DNAH14: variants seen among roughly 807,000 people sequenced by gnomAD.
DNAH14 encodes dynein axonemal heavy chain 14.
In DNAH14, 478 loss-of-function variants were observed where a neutral mutation model predicts 520.9. The observed-to-expected ratio is 0.92, with a 90% CI of 0.85 to 0.99. The LOEUF (loss-of-function observed/expected upper bound fraction) is 0.99, where lower values mean the gene tolerates loss of function less well. DNAH14 is among the 50% of genes least tolerant of loss of function. The probability of loss-of-function intolerance (pLI) is 0.00; values close to 1 mark genes in which losing one functional copy is unlikely to be tolerated. For missense variants in DNAH14, 4,831 were observed against 5,234.5 expected (o/e 0.92, Z 2.38); for synonymous variants, 1,581 against 1,757.2 (o/e 0.90, Z 2.51).
In DNAH14 at chr1:225,144,420, A is replaced by G. The variant is rs1380882737; in HGVS notation, c.4532A>G (p.Glu1511Gly). The G allele has an allele frequency of 1.3e-6, 2 of 1,551,290 alleles. No individual in the cohort carries two copies. Among genetic ancestry groups the G allele is most frequent in the South Asian group, 2.4e-5 (2 of 83,978 alleles). Residue 1511 changes from glutamate (E) to glycine (G), a missense_variant, in exon 29 of 86, where the codon GAA (glutamate) becomes GGA (glycine). By Grantham distance (98) the Glu-to-Gly change is moderately conservative (BLOSUM62 -2). Coordinates refer to ENST00000682510, the MANE Select transcript of DNAH14 (RefSeq NM_001367479.1). ...WTRHLQYKWN[E>G]KQKLCYVSQG... is the part of the protein sequence containing the mutation. Reference sequence around the variant, plus strand: ...AGACATTTGCAATATAAATGGAATGAAAAACAAAAGTTGTGCTATGTGTCT... The same window carrying G: ...AGACATTTGCAATATAAATGGAATGGAAAACAAAAGTTGTGCTATGTGTCT...
In DNAH14 at chr1:225,270,801, C is replaced by T; in HGVS notation, c.7606C>T (p.Leu2536Phe). Reference protein sequence around the residue: ...PVVNDISPRLLKHFSMLVLPH... With the variant: ...PVVNDISPRLFKHFSMLVLPH... ...TGTGAATGATATCAGCCCACGTCTT[C>T]TCAAACACTTTTCCATGCTGGTATT... Residue 2536 changes from leucine to phenylalanine, a missense_variant, in exon 50 of 86, where the codon CTC (leucine) becomes TTC (phenylalanine). By Grantham distance (22) the Leu-to-Phe change is conservative. Coordinates refer to ENST00000682510, the MANE Select transcript of DNAH14 (RefSeq NM_001367479.1). The T allele has an allele frequency of 6.4e-7, 1 of 1,551,260 alleles. No individual in the cohort carries two copies. Among genetic ancestry groups the T allele is most frequent in the Non-Finnish European group, 8.7e-7 (1 of 1,146,776 alleles).
rs568440613 is a variant in DNAH14 at position 225,105,756 on chromosome 1, C to T, written c.3867+4872C>T. ...TTTGCTTGGTAGATCTTCCTCCATCCCTTTATTTTGAGCCTATGTGTGTCT... is the reference window on the plus strand; with the variant it reads ...TTTGCTTGGTAGATCTTCCTCCATCTCTTTATTTTGAGCCTATGTGTGTCT... On this transcript the variant is annotated intron_variant, in intron 23 of 85. Coordinates refer to ENST00000682510, the MANE Select transcript of DNAH14 (RefSeq NM_001367479.1). Among the ~76,000 whole-genome samples the T allele has an allele frequency of 6.9e-4, 105 of 152,064 alleles. 1 individual carries two copies. The highest frequency in any genetic ancestry group is 2.4e-3 in the African/African-American group (98 of 41,432).
intron 1 of DNAH14, among the ~76,000 whole-genome samples, chr1:224,941,988 C>T (rs79997288): frequency 0.055 from 8,404 of 152,248 alleles, 472 homozygotes; most frequent in East Asian, 0.24. Context: ...CTTAACAATG[C>T]GGGCTCTTTT....
intron 35 of DNAH14, among the ~76,000 whole-genome samples, chr1:225,162,897 G>A (rs952938987): frequency 6.6e-6 from 1 of 152,034 alleles, no homozygotes; most frequent in Non-Finnish European, 1.5e-5. Context: ...AGCACTTTGG[G>A]AGGCCAAGCC....
At chr1:224,970,556 T>C (rs1200990425) in intron 7 of DNAH14, among the ~76,000 whole-genome samples, 1 of 152,226 alleles carries the variant, frequency 6.6e-6, no homozygotes, top group Non-Finnish European at 1.5e-5. Flanking sequence ...TGATGGAACC[T>C]GCCGACATGT....
rs1432234707 is a variant in DNAH14 at position 225,232,230 on chromosome 1, C to A, written c.6518+1079C>A. 1.3e-5 allele frequency among the ~76,000 whole-genome samples: 2 copies of A among 151,790 alleles called. No individual in the cohort carries two copies. The highest frequency in any genetic ancestry group is 2.9e-5 in the Non-Finnish European group (2 of 67,960). On this transcript the variant is annotated intron_variant, in intron 42 of 85. Transcript: ENST00000682510. This position sits in a 1 kb window ranked among gnomAD's most constrained non-coding sequence, Gnocchi z 4.2. ...TAGCTATTCTTATTTCTTTTCACTG[C>A]TACCTACTAGTCCATTGTCATTATA... is the stretch of plus-strand genomic sequence containing the variant.
chr1:225,386,654 G>A (rs915947540), intron 81 of DNAH14, among the ~76,000 whole-genome samples: 1 of 152,256 alleles, frequency 6.6e-6, no homozygotes, highest in Non-Finnish European at 1.5e-5. Flanking sequence ...CTGGCCATCA[G>A]AGAAATGCAA....
chr1:225,345,107 T>C (rs2095266791), intron 69 of DNAH14, among the ~76,000 whole-genome samples: 1 of 152,160 alleles, frequency 6.6e-6, no homozygotes. Flanking sequence ...CTGTGAGAGA[T>C]GGTCCATGAC....
At chr1:224,988,350 C>T (rs567830230) in intron 8 of DNAH14, among the ~76,000 whole-genome samples, 3 of 152,088 alleles carry the variant, frequency 2.0e-5, no homozygotes, top group East Asian at 3.9e-4. Context: ...TGAATAGTGC[C>T]GCAGTGAACA....
intron 37 of DNAH14, among the ~76,000 whole-genome samples, chr1:225,189,103 A>G (rs2085093407): frequency 6.6e-6 from 1 of 151,852 alleles, no homozygotes; most frequent in Non-Finnish European, 1.5e-5. Flanking sequence ...GCCTTTTGAT[A>G]TGATCGTGTG....
intron 10 of DNAH14, among the ~76,000 whole-genome samples, chr1:225,011,185 G>A (rs186092367): frequency 2.4e-3 from 369 of 152,158 alleles, no homozygotes; most frequent in Non-Finnish European, 4.0e-3. Flanking sequence ...TTTTAATTGT[G>A]ATGTTAGGGT....
rs116590181 is a variant in DNAH14, at chr1:225,365,985, T to C, written c.12090+1091T>C. Among the ~76,000 whole-genome samples the C allele has an allele frequency of 4.8e-3, 736 of 152,288 alleles. 3 individuals carry two copies. The highest frequency in any genetic ancestry group is 0.017 in the African/African-American group (715 of 41,550). On this transcript the variant is annotated intron_variant, in intron 76 of 85. Transcript: ENST00000682510. ...TTATTTATACAGACAGAGATGATAATTTTCTTGATATATTAAAAGAGCACC... is the reference window on the plus strand; with the variant it reads ...TTATTTATACAGACAGAGATGATAACTTTCTTGATATATTAAAAGAGCACC...
Position 225,381,531 on chromosome 1 carries a change from G to C in DNAH14, c.13029G>C (p.Glu4343Asp). Residue 4343 changes from glutamate (E) to aspartate (D), a missense_variant, in exon 81 of 86, where the codon GAG becomes GAC. Transcript: ENST00000682510. ...AGATCATCCTCACCCAAGAATTGGA[G>C]GAAATATTTAACTCTTTTCTTAATA... ...KGEIILTQELEEIFNSFLNMR... is the reference protein window; with the variant it reads ...KGEIILTQELDEIFNSFLNMR... The C allele has an allele frequency of 6.5e-7, 1 of 1,545,376 alleles. No individual in the cohort carries two copies. Among genetic ancestry groups the C allele is most frequent in the Non-Finnish European group, 8.7e-7 (1 of 1,145,368 alleles).
chr1:225,227,340 A>C (rs546553568), intron 41 of DNAH14, among the ~76,000 whole-genome samples: 8 of 152,256 alleles, frequency 5.3e-5, no homozygotes, highest in African/African-American at 1.9e-4. Context: ...GAGAATGGCG[A>C]TGACTTTTAC....
chr1:225,014,323 C>T (rs1401343523), intron 10 of DNAH14, among the ~76,000 whole-genome samples: 1 of 152,114 alleles, frequency 6.6e-6, no homozygotes, highest in Admixed American at 6.5e-5. Flanking sequence ...AACCAGGTAC[C>T]TCAGTTGGAA....
At chr1:225,096,425 C>G (rs1255910175) in intron 21 of DNAH14, among the ~76,000 whole-genome samples, 1 of 152,034 alleles carries the variant, frequency 6.6e-6, no homozygotes, top group Non-Finnish European at 1.5e-5. Context: ...TAAATGGTTC[C>G]CCATGAGGAA....
chr1:225,309,635 C>T (rs2150121048), intron 60 of DNAH14, among the ~76,000 whole-genome samples: 1 of 152,290 alleles, frequency 6.6e-6, no homozygotes, highest in South Asian at 2.1e-4. Flanking sequence ...TGGCTTATGC[C>T]TGTAATCCCA....
intron 23 of DNAH14, among the ~76,000 whole-genome samples, chr1:225,114,091 G>A (rs1010405144): frequency 8.5e-5 from 13 of 152,132 alleles, no homozygotes; most frequent in Admixed American, 3.9e-4. Flanking sequence ...AACATGTTGG[G>A]TCACATATGA....
intron 23 of DNAH14, among the ~76,000 whole-genome samples, chr1:225,105,888 T>G (rs557882437): frequency 1.3e-4 from 20 of 151,788 alleles, no homozygotes; most frequent in Admixed American, 2.6e-4. Context: ...CCATTTACAT[T>G]TCAGGTTAAT....
Sources: gnomAD v4.1 joint callset for allele counts (sites outside exome capture counted in the v4.1 genomes callset) on GRCh38, gnomAD v4.1.1 for gene constraint, Gnocchi (gnomAD v3.1) non-coding constraint, MANE v1.5 for transcripts, NCBI Gene and HGNC (gene_info 2026-07-23, HGNC 2026-07-21) for gene names.